The following C11orf65 variants were observed in gnomAD, a reference collection of about 807,000 sequenced individuals.
The protein encoded by C11orf65 is chromosome 11 open reading frame 65, also known as protein MFI.
A neutral mutation model predicts 35.3 loss-of-function variants in C11orf65; 38 were observed. The observed-to-expected ratio is 1.08, with a 90% CI of 0.83 to 1.41. The LOEUF is 1.41. C11orf65 is among the 40% of genes most tolerant of loss of function. C11orf65 has a pLI of 0.00. For missense variants in C11orf65, 370 were observed against 367.1 expected, an observed-to-expected ratio of 1.01 and a Z score of -0.06; for synonymous variants, 105 against 114.4, an observed-to-expected ratio of 0.92 and a Z score of 0.53.
In C11orf65 at chr11:108,417,271, G is replaced by A. The variant is rs114843566; in HGVS notation, c.175-10122C>T. ...AACAACCTGCTGCCAGGTCAGGTGC[G>A]GCGGCTCACACCTGTAATCCCAGCA... On this transcript the variant is annotated intron_variant, in intron 3 of 8. Coordinates refer to ENST00000393084, the MANE Select transcript of C11orf65 (RefSeq NM_152587.5). Among the ~76,000 whole-genome samples, 571 of 152,168 alleles carry A rather than the reference G, an allele frequency of 3.8e-3. 4 individuals are homozygous for A. The highest frequency in any genetic ancestry group is 0.013 in the African/African-American group (537 of 41,528).
At chr11:108,405,346 T>C in intron 6 of C11orf65, 83 bp downstream of exon 6, 1 of 1,432,910 alleles carries the variant, frequency 7.0e-7, no homozygotes, top group Non-Finnish European at 9.5e-7. Context: ...TAATGCCCTC[T>C]TGTGAGGAGC....
chr11:108,444,938 C>T (rs930008561), intron 2 of C11orf65, among the ~76,000 whole-genome samples: 7 of 152,184 alleles, frequency 4.6e-5, no homozygotes, highest in Middle Eastern at 3.2e-3. Context: ...GCTTAAAAAA[C>T]GGCACACCAG....
intron 6 of C11orf65, chr11:108,312,298 C>G: frequency 3.9e-6 from 3 of 777,978 alleles, no homozygotes; most frequent in Non-Finnish European, 6.8e-6. Context: ...GTGATTTATT[C>G]TGTTTTGTTT....
chr11:108,353,754 TCTTTA>T lies in C11orf65; in HGVS notation c.227-18467_227-18463del, dbSNP rs2089488857. Reference sequence around the variant, plus strand: ...GTCAAACCTCCTAACTTCACTGTATTCTTTACTTTAGGTGTTGCTTTTGAACAGGG... The same window carrying T: ...GTCAAACCTCCTAACTTCACTGTATTCTTTAGGTGTTGCTTTTGAACAGGG... On this transcript the variant is annotated intron_variant, in intron 2 of 3. Transcript: ENST00000524755. 4.4e-6 allele frequency: 7 copies of T among 1,582,160 alleles called. No individual in the cohort carries two copies. Among genetic ancestry groups the T allele is most frequent in the African/African-American group, 1.3e-5 (1 of 74,360 alleles).
At position 108,345,749 on chromosome 11, in the gene C11orf65, CA is replaced by C. The variant is rs587782558; in HGVS notation, c.227-10458del. ...ATATATTCTCTATTTAAAGGAGGTG[CA>C]AAAAAAGTCTTTTGAAGAGAAATAT... On this transcript the variant is annotated intron_variant, in intron 2 of 3. Coordinates refer to the C11orf65 transcript ENST00000524755. 5 of 1,608,824 alleles carry C rather than the reference CA, an allele frequency of 3.1e-6. No homozygotes were observed. The highest frequency in any genetic ancestry group is 3.4e-6 in the Non-Finnish European group (4 of 1,176,572).
intron 3 of C11orf65, among the ~76,000 whole-genome samples, chr11:108,427,565 T>C (rs2092921041): frequency 6.7e-6 from 1 of 148,698 alleles, no homozygotes; most frequent in African/African-American, 2.5e-5. Context: ...TAAAAAAAAA[T>C]ACAAAAATTA....
intron 6 of C11orf65, among the ~76,000 whole-genome samples, chr11:108,394,850 G>C (rs2092265874): frequency 6.6e-6 from 1 of 152,180 alleles, no homozygotes; most frequent in Non-Finnish European, 1.5e-5. Context: ...GGTAATCAGG[G>C]CCAGGTGTGG....
chr11:108,359,360 C>T (rs1438883840), intron 2 of C11orf65, among the ~76,000 whole-genome samples: 3 of 152,090 alleles, frequency 2.0e-5, no homozygotes, highest in South Asian at 4.2e-4. Flanking sequence ...GACTTTAACA[C>T]CCCACTGTCA....
intron 6 of C11orf65, among the ~76,000 whole-genome samples, chr11:108,318,653 C>T (rs1189786311): frequency 2.0e-5 from 3 of 152,002 alleles, no homozygotes; most frequent in African/African-American, 7.2e-5. Context: ...TGCACCACTG[C>T]ACCCCAGCCT....
intron 2 of C11orf65, among the ~76,000 whole-genome samples, chr11:108,435,100 G>T (rs1005659698): frequency 4.6e-5 from 7 of 152,162 alleles, no homozygotes; most frequent in African/African-American, 1.7e-4. Flanking sequence ...CATGAATTTG[G>T]GAATTAAGTG....
chr11:108,375,219 G>A lies in C11orf65; in HGVS notation c.226+17989C>T, dbSNP rs1430945704. ...CCAAAGTTGAAATGAAGGAAAAAAT[G>A]TTAAGGGCAGCCAGAGAGAAAGGTC... On this transcript the variant is annotated intron_variant, in intron 2 of 3. Transcript: ENST00000524755. Among the ~76,000 whole-genome samples the A allele has an allele frequency of 2.0e-5, 3 of 151,984 alleles. No homozygotes were observed. The East Asian group carries it at 5.8e-4, about 29-fold the overall frequency.
intron 2 of C11orf65, among the ~76,000 whole-genome samples, chr11:108,437,495 A>G (rs1188858106): frequency 6.6e-6 from 1 of 151,820 alleles, no homozygotes; most frequent in African/African-American, 2.4e-5. Flanking sequence ...CATGAGGTCA[A>G]GAGATCGAAA....
chr11:108,461,497 C>A lies in C11orf65; in HGVS notation c.63G>T (p.Gln21His). ...AACTCACAAGGAAACTTTTCCAGGC[C>A]TGCTGAATGACTCTGGCAGCCTTAT... ...KQDKAARVIQ[Q>H]AWKSFLNVAI... Residue 21 changes from glutamine (Q) to histidine (H), a missense_variant, in exon 2 of 9, where the codon CAG (glutamine) becomes CAT (histidine). Coordinates refer to ENST00000393084, the MANE Select transcript of C11orf65 (RefSeq NM_152587.5). 2 of 1,609,368 alleles carry A rather than the reference C, an allele frequency of 1.2e-6. No homozygotes were observed. The highest frequency in any genetic ancestry group is 1.7e-6 in the Non-Finnish European group (2 of 1,177,762).
At chr11:108,466,506 A>G (rs1302319046) in intron 1 of C11orf65, among the ~76,000 whole-genome samples, 6 of 152,164 alleles carry the variant, frequency 3.9e-5, no homozygotes, top group Non-Finnish European at 7.4e-5. Flanking sequence ...CCCAGGAGGC[A>G]GAGGTTGCAG....
At chr11:108,332,414 A>G (rs2136544294) in intron 3 of C11orf65, among the ~76,000 whole-genome samples, 1 of 152,244 alleles carries the variant, frequency 6.6e-6, no homozygotes, top group East Asian at 1.9e-4. Flanking sequence ...CCTGGGCAAC[A>G]AGAGCGAAAC....
intron 3 of C11orf65, among the ~76,000 whole-genome samples, chr11:108,418,528 T>C (rs565153133): frequency 6.6e-6 from 1 of 152,188 alleles, no homozygotes; most frequent in South Asian, 2.1e-4. Context: ...TAGATAAAAA[T>C]TTATGTCCTT....
intron 3 of C11orf65, among the ~76,000 whole-genome samples, chr11:108,424,684 T>A (rs1452659650): frequency 4.6e-5 from 7 of 152,164 alleles, no homozygotes; most frequent in Admixed American, 2.6e-4. Flanking sequence ...TACAGAACTC[T>A]CCACCCCAAA....
In C11orf65 at chr11:108,385,672, A is replaced by C. The variant is rs558577719; in HGVS notation, c.787+248T>G. Among the ~76,000 whole-genome samples, 5 of 123,884 alleles carry C rather than the reference A, an allele frequency of 4.0e-5. No individual in the cohort carries two copies. In the East Asian group the frequency reaches 1.1e-3, roughly 27 times the overall value. 81.3% of individuals were successfully genotyped at this position (123,884 alleles called of 152,430 possible). ...ACTCCAGCCTGGGCGACAGAGCAAG[A>C]CTCCGTCTCAAAAAAAAAAAAAGAT... On this transcript the variant is annotated intron_variant, in intron 8 of 8. Coordinates refer to ENST00000393084, the MANE Select transcript of C11orf65 (RefSeq NM_152587.5).
intron 2 of C11orf65, among the ~76,000 whole-genome samples, chr11:108,363,174 C>T (rs1392903797): frequency 6.6e-6 from 1 of 152,260 alleles, no homozygotes; most frequent in Admixed American, 6.5e-5. Flanking sequence ...GGGTGCTTCT[C>T]AATTAGCATC....
Sources: gnomAD v4.1 joint callset for allele counts (sites outside exome capture counted in the v4.1 genomes callset) on GRCh38, gnomAD v4.1.1 for gene constraint, MANE v1.5 for transcripts, NCBI Gene and HGNC (gene_info 2026-07-23, HGNC 2026-07-21) for gene names.